DAB1: variants seen among roughly 807,000 people sequenced by gnomAD.
DAB1 encodes the protein DAB adaptor protein 1.
A neutral mutation model predicts 64.6 loss-of-function variants in DAB1; 15 were observed. The ratio of observed to expected loss-of-function variants is 0.23; its 90% confidence interval spans 0.16 to 0.36. The LOEUF is 0.36. Among genes scored for constraint, DAB1 ranks in the 10% least tolerant of loss-of-function variants. DAB1 has a pLI of 1.00. For missense variants in DAB1, 596 were observed against 706.7 expected, an observed-to-expected ratio of 0.84 and a Z score of 1.78; for synonymous variants, 235 against 251.9, an observed-to-expected ratio of 0.93 and a Z score of 0.64.
At chr1:57,478,619 G>T in intron 7 of DAB1, among the ~76,000 whole-genome samples, 2 of 112,034 alleles carry the variant, frequency 1.8e-5, no homozygotes, top group East Asian at 2.6e-4. Flanking sequence ...TTGAGACAGA[G>T]TCTCACTCTG....
chr1:57,711,528 C>CA lies in DAB1; in HGVS notation n.552-61864dup, dbSNP rs1356772036. 2.0e-5 allele frequency among the ~76,000 whole-genome samples: 3 copies of CA among 152,214 alleles called. No homozygotes were observed. The East Asian group carries it at 5.8e-4, about 29-fold the overall frequency. On this transcript the variant is annotated intron_variant and non_coding_transcript_variant, in intron 6 of 20. Transcript: ENST00000485760. Reference sequence around the variant, plus strand: ...TGCTTTGCAGCTGTCTGCCTGTACTCACGGGTGCCTGTCAAGGCTTGCATG... The same window carrying CA: ...TGCTTTGCAGCTGTCTGCCTGTACTCAACGGGTGCCTGTCAAGGCTTGCATG...
At chr1:58,452,655 CA>C (rs1245979623) in intron 3 of DAB1, among the ~76,000 whole-genome samples, 8,004 of 105,502 alleles carry the variant, frequency 0.076, 248 homozygotes, top group East Asian at 0.096. Flanking sequence ...ACAAAAATAC[CA>C]AAAAAAAAAA....
At chr1:57,247,040 G>A (rs1050196108) in intron 2 of DAB1, among the ~76,000 whole-genome samples, 2 of 149,140 alleles carry the variant, frequency 1.3e-5, no homozygotes, top group African/African-American at 5.0e-5. Flanking sequence ...ATGAGACTTT[G>A]GACTTGGAAT....
At chr1:58,000,058 G>A (rs1646483664) in intron 5 of DAB1, among the ~76,000 whole-genome samples, 1 of 151,918 alleles carries the variant, frequency 6.6e-6, no homozygotes, top group African/African-American at 2.4e-5. Flanking sequence ...GAAATGGAGG[G>A]AGGGAGGGAG....
At chr1:58,177,827 A>G (rs935958151) in intron 4 of DAB1, among the ~76,000 whole-genome samples, 1 of 152,208 alleles carries the variant, frequency 6.6e-6, no homozygotes, top group African/African-American at 2.4e-5. Context: ...GAAAATTTAC[A>G]TTGGTGACCC....
At chr1:57,043,567 C>T (rs982298376) in intron 9 of DAB1, among the ~76,000 whole-genome samples, 11 of 152,318 alleles carry the variant, frequency 7.2e-5, no homozygotes, top group Admixed American at 3.9e-4. Context: ...TCAGATGAGG[C>T]CGGGCGCGGC....
chr1:58,267,254 A>G (rs1661192020), intron 4 of DAB1, among the ~76,000 whole-genome samples: 1 of 152,128 alleles, frequency 6.6e-6, no homozygotes, highest in Admixed American at 6.6e-5. Context: ...AAAATAATAT[A>G]AGTAGAAAAA....
chr1:57,661,431 A>T (rs1481260689), intron 6 of DAB1, among the ~76,000 whole-genome samples: 1 of 152,188 alleles, frequency 6.6e-6, no homozygotes, highest in Non-Finnish European at 1.5e-5. Flanking sequence ...CCTTCTTGAC[A>T]CCAGAATCTT....
intron 1 of DAB1, among the ~76,000 whole-genome samples, chr1:57,836,651 T>C (rs2101910207): frequency 6.6e-6 from 1 of 152,364 alleles, no homozygotes. Flanking sequence ...GCATCCGCCA[T>C]CTCTTGATTA....
At chr1:57,542,469 C>T (rs898556689) in intron 7 of DAB1, among the ~76,000 whole-genome samples, 8 of 149,130 alleles carry the variant, frequency 5.4e-5, no homozygotes, top group Non-Finnish European at 1.0e-4. Flanking sequence ...AAGGTCTATA[C>T]TAGATGGACC....
intron 7 of DAB1, among the ~76,000 whole-genome samples, chr1:57,526,487 T>A (rs1419447897): frequency 6.6e-6 from 1 of 152,190 alleles, no homozygotes; most frequent in Admixed American, 6.5e-5. Context: ...GGTCTATGGT[T>A]CATCTAATTT....
intron 1 of DAB1, among the ~76,000 whole-genome samples, chr1:57,854,899 C>T (rs1653685382): frequency 6.6e-6 from 1 of 152,122 alleles, no homozygotes; most frequent in South Asian, 2.1e-4. Flanking sequence ...ATACAAATCT[C>T]CAAAGACAAG....
chr1:57,287,777 C>T (rs894744000), intron 2 of DAB1, among the ~76,000 whole-genome samples: 4 of 63,894 alleles, frequency 6.3e-5, no homozygotes, highest in Admixed American at 2.0e-4. Context: ...TTTTCTCTCT[C>T]TTTTATTTAT....
intron 5 of DAB1, among the ~76,000 whole-genome samples, chr1:57,903,449 TTTGGTTGAGTATTCATCAAATA>T (rs1213432354): frequency 6.6e-6 from 1 of 152,160 alleles, no homozygotes; most frequent in African/African-American, 2.4e-5. Context: ...TCCTTATTCT[TTTGGTTGAGTATTCATCAAATA>T]TTGGAGGAAA....
chr1:58,416,675 T>G (rs1377004414), intron 3 of DAB1, among the ~76,000 whole-genome samples: 2 of 152,222 alleles, frequency 1.3e-5, no homozygotes, highest in Non-Finnish European at 2.9e-5. Flanking sequence ...AATCTACTTT[T>G]TTTTCTGTCT....
At chr1:58,183,762 T>C (rs897908664) in intron 4 of DAB1, among the ~76,000 whole-genome samples, 1 of 152,122 alleles carries the variant, frequency 6.6e-6, no homozygotes, top group Non-Finnish European at 1.5e-5. Flanking sequence ...GTTGTTGTTA[T>C]TTGTTTAGTG....
chr1:57,988,680 T>C (rs998362029), intron 5 of DAB1, among the ~76,000 whole-genome samples: 8 of 152,054 alleles, frequency 5.3e-5, no homozygotes, highest in Non-Finnish European at 7.3e-5. Flanking sequence ...CTCCAAAGGT[T>C]CCCTGGTAGA....
intron 4 of DAB1, among the ~76,000 whole-genome samples, chr1:58,201,596 C>A (rs1657997927): frequency 6.6e-6 from 1 of 152,132 alleles, no homozygotes; most frequent in South Asian, 2.1e-4. Flanking sequence ...AGAGTCTGTT[C>A]AAAATTCTGT....
In DAB1 at chr1:57,901,399, C is replaced by T. The variant is rs143400083; in HGVS notation, n.388-17237G>A. ...CAGCTAGGAAGACGAGGTGCTGGGG[C>T]CTGTTCTCCATATTTCTCTTCAACC... On this transcript the variant is annotated intron_variant and non_coding_transcript_variant, in intron 5 of 20. Transcript: ENST00000485760. Among the ~76,000 whole-genome samples the T allele has an allele frequency of 3.3e-3, 496 of 152,192 alleles. 2 individuals are homozygous for T. The highest frequency in any genetic ancestry group is 5.7e-3 in the Non-Finnish European group (387 of 67,988).
Sources: gnomAD v4.1 joint callset for allele counts (sites outside exome capture counted in the v4.1 genomes callset) on GRCh38, gnomAD v4.1.1 for gene constraint, MANE v1.5 for transcripts, NCBI Gene and HGNC (gene_info 2026-07-23, HGNC 2026-07-21) for gene names.